Variants in KLF7 observed in about 807,000 individuals in gnomAD.
KLF7 encodes Krueppel-like factor 7.
Under a neutral mutation model 27.3 loss-of-function variants are expected in KLF7, and 2 were observed. That is an observed-to-expected ratio of 0.07 (90% CI 0.03 to 0.23). The LOEUF (loss-of-function observed/expected upper bound fraction) is 0.23. Among genes scored for constraint, KLF7 ranks in the 10% least tolerant of loss-of-function variants. The probability of loss-of-function intolerance (pLI) is 1.00; values close to 1 mark genes in which losing one functional copy is unlikely to be tolerated. For synonymous variants in KLF7, 165 were observed against 162.4 expected, an observed-to-expected ratio of 1.02 and a Z score of -0.12; for missense variants, 221 against 394.1, an observed-to-expected ratio of 0.56 and a Z score of 3.72.
chr2:207,149,116 C>T, intron 1 of KLF7: 1 of 1,278,546 alleles, frequency 7.8e-7, no homozygotes, highest in Non-Finnish European at 1.0e-6. Context: ...TGTCTTTTCC[C>T]CAGTCCCACC....
intron 1 of KLF7, among the ~76,000 whole-genome samples, chr2:207,134,660 A>C (rs1406104395): frequency 6.6e-6 from 1 of 152,104 alleles, no homozygotes. Flanking sequence ...TGGGTGTGCC[A>C]AGTGCCACTC....
intron 2 of KLF7, among the ~76,000 whole-genome samples, chr2:207,090,060 A>C (rs770754096): frequency 1.3e-5 from 2 of 152,214 alleles, no homozygotes; most frequent in Non-Finnish European, 2.9e-5. Context: ...ACCTAGAATC[A>C]AACCAAACAT....
At chr2:207,095,027 T>TC (rs2076593256) in intron 2 of KLF7, among the ~76,000 whole-genome samples, 2 of 142,352 alleles carry the variant, frequency 1.4e-5, no homozygotes, top group African/African-American at 5.3e-5. Flanking sequence ...TATTTGTTTT[T>TC]ATTCTTTTTT....
intron 2 of KLF7, among the ~76,000 whole-genome samples, chr2:207,103,865 TA>T (rs2076821642): frequency 6.6e-6 from 1 of 152,238 alleles, no homozygotes; most frequent in Non-Finnish European, 1.5e-5. Context: ...ACAGGCAGCG[TA>T]ATTATTAAAA....
At chr2:207,129,560 C>A (rs2077569405) in intron 1 of KLF7, among the ~76,000 whole-genome samples, 1 of 152,184 alleles carries the variant, frequency 6.6e-6, no homozygotes, top group African/African-American at 2.4e-5. Flanking sequence ...TCATATTGAA[C>A]TGCTCATCTT....
chr2:207,168,139 T>A (rs1170806290), upstream of KLF7, among the ~76,000 whole-genome samples: 1 of 152,190 alleles, frequency 6.6e-6, no homozygotes, highest in Non-Finnish European at 1.5e-5. Flanking sequence ...AACTTGGGTA[T>A]AGAAAACTAG....
chr2:207,103,135 C>G (rs1312103401), intron 2 of KLF7, among the ~76,000 whole-genome samples: 1 of 152,170 alleles, frequency 6.6e-6, no homozygotes, highest in African/African-American at 2.4e-5. Context: ...ACTATGTTGA[C>G]CAGGCTGGTC....
At chr2:207,086,550 T>C (rs1229351116) in intron 3 of KLF7, among the ~76,000 whole-genome samples, 1 of 152,230 alleles carries the variant, frequency 6.6e-6, no homozygotes, top group Non-Finnish European at 1.5e-5. Flanking sequence ...TAGTGTATTT[T>C]AAAGAAGAAA....
chr2:207,145,152 A>G (rs1048023657), intron 1 of KLF7, among the ~76,000 whole-genome samples: 3 of 152,252 alleles, frequency 2.0e-5, no homozygotes, highest in Admixed American at 2.0e-4. Flanking sequence ...TTACATGTAT[A>G]CAGACTTTGT....
At chr2:207,147,555 G>A (rs1040728193) in intron 1 of KLF7, among the ~76,000 whole-genome samples, 4 of 151,958 alleles carry the variant, frequency 2.6e-5, no homozygotes, top group Non-Finnish European at 5.9e-5. Flanking sequence ...TTTAACAGCT[G>A]AAAGGCCCCA....
chr2:207,152,791 A>G (rs970141174), intron 1 of KLF7, among the ~76,000 whole-genome samples: 2 of 152,200 alleles, frequency 1.3e-5, no homozygotes, highest in Admixed American at 6.5e-5. Flanking sequence ...CTTGTCCCCA[A>G]ATCAGAACAT....
chr2:207,080,774 G>T lies in KLF7; in HGVS notation c.*439C>A, dbSNP rs942403585. ...ACACATATGCAACTTTAAGATGCTG[G>T]ATTCTCCTATCAAGTTGCACTGAGA... On this transcript the variant is annotated 3_prime_UTR_variant, in exon 4 of 4. Transcript: ENST00000309446. 15 of 400,710 alleles carry T rather than the reference G, an allele frequency of 3.7e-5. No individual in the cohort carries two copies. Among genetic ancestry groups the T allele is most frequent in the African/African-American group, 2.7e-4 (13 of 48,640 alleles). 24.8% of individuals were successfully genotyped at this position (400,710 alleles called of 1,614,324 possible).
At chr2:207,168,257 T>C (rs1443651973), upstream of KLF7, among the ~76,000 whole-genome samples, 1 of 152,222 alleles carries the variant, frequency 6.6e-6, no homozygotes, top group Non-Finnish European at 1.5e-5. Context: ...ATAGGACATA[T>C]CGGTTAACGT....
chr2:207,166,868 A>T (rs1010293055), upstream of KLF7: 2 of 1,069,672 alleles, frequency 1.9e-6, no homozygotes, highest in Non-Finnish European at 2.3e-6. Context: ...GGAGAGAACA[A>T]AGGGGAGCGG....
chr2:207,167,077 T>G (rs1574613978), upstream of KLF7: 1 of 1,344,736 alleles, frequency 7.4e-7, no homozygotes, highest in South Asian at 1.7e-5. Context: ...GGAGCCTAGG[T>G]AGACGTGGGG....
At chr2:207,106,371 C>T (rs2076883534) in intron 2 of KLF7, among the ~76,000 whole-genome samples, 3 of 152,192 alleles carry the variant, frequency 2.0e-5, no homozygotes, top group African/African-American at 7.2e-5. Flanking sequence ...GTGCCTGAAA[C>T]ACAAATGACT....
intron 3 of KLF7, among the ~76,000 whole-genome samples, chr2:207,087,537 G>A (rs1329490340): frequency 6.6e-6 from 1 of 152,170 alleles, no homozygotes; most frequent in East Asian, 1.9e-4. Flanking sequence ...CATCCTGCAA[G>A]CTGGGGAACC....
At chr2:207,126,453 T>A (rs2077478400) in intron 1 of KLF7, among the ~76,000 whole-genome samples, 1 of 152,334 alleles carries the variant, frequency 6.6e-6, no homozygotes, top group Non-Finnish European at 1.5e-5. Flanking sequence ...AATAGCCATC[T>A]TTGAAACCCT....
chr2:207,102,125 T>TACACACACACACACACAC (rs1553522202), intron 2 of KLF7, among the ~76,000 whole-genome samples: 1 of 121,228 alleles, frequency 8.2e-6, no homozygotes, highest in Non-Finnish European at 1.8e-5. Context: ...TACATTCACA[T>TACACACACACACACACAC]TCACACACAC....
Sources: allele counts gnomAD v4.1 joint callset (sites outside exome capture counted in the v4.1 genomes callset), GRCh38; gene constraint gnomAD v4.1.1; transcripts MANE v1.5; gene names NCBI Gene and HGNC (gene_info 2026-07-23, HGNC 2026-07-21).